Variants in GAK observed in about 807,000 individuals in gnomAD.
GAK encodes cyclin G associated kinase, also known as cyclin-G-associated kinase.
Under a neutral mutation model 143.9 loss-of-function variants are expected in GAK, and 79 were observed. That is an observed-to-expected ratio of 0.55 (90% CI 0.46 to 0.66). GAK has a LOEUF of 0.66. GAK is among the 30% of genes least tolerant of loss of function. The probability of loss-of-function intolerance (pLI) is 0.00; values close to 1 mark genes in which losing one functional copy is unlikely to be tolerated. For synonymous variants in GAK, 881 were observed against 765.5 expected (o/e 1.15, Z -2.49); for missense variants, 1,693 against 1,779.7 (o/e 0.95, Z 0.88).
At chr4:910,638 A>G (rs1721881847) in intron 4 of GAK, among the ~76,000 whole-genome samples, 1 of 151,882 alleles carries the variant, frequency 6.6e-6, no homozygotes, top group South Asian at 2.1e-4. Context: ...TGGCTTGTGG[A>G]CGACAGATCT....
intron 19 of GAK, chr4:869,361 C>T (rs541165854): frequency 1.4e-5 from 2 of 143,136 alleles, no homozygotes; most frequent in East Asian, 4.3e-4. Context: ...AGCACATACA[C>T]ACATGCAGGG....
intron 11 of GAK, chr4:886,600 G>A (rs959306459): frequency 2.0e-5 from 3 of 152,232 alleles, no homozygotes; most frequent in African/African-American, 7.2e-5. Context: ...TTCACTTATG[G>A]CTTTGCTGCC....
intron 15 of GAK, 122 bp downstream of exon 15, chr4:881,785 C>T: frequency 8.0e-7 from 1 of 1,252,302 alleles, no homozygotes; most frequent in East Asian, 2.6e-5. Context: ...GAGGCCGGGC[C>T]TGCCTTTCCC....
rs1227834262 is a variant in GAK at position 896,490 on chromosome 4, G to A, written c.711C>T (p.Asn237=). The stretch of plus-strand genomic sequence containing the variant: ...TATCCTGCTTCTCGCCGATCGGGAA[G>A]TTGGAATACAAGTCTATGATTTCTG... The part of the protein sequence containing the change: ...RTPEIIDLYS[N]FPIGEKQDIW... Residue 237 remains asparagine (N), a synonymous_variant, in exon 7 of 28, where the codon AAC becomes AAT. Coordinates refer to ENST00000314167, the MANE Select transcript of GAK (RefSeq NM_005255.4). 1.9e-6 allele frequency: 3 copies of A among 1,614,082 alleles called. No individual in the cohort carries two copies. The South Asian group carries it at 3.3e-5, about 18-fold the overall frequency.
At chr4:917,772 T>C (rs1473133157) in intron 1 of GAK, among the ~76,000 whole-genome samples, 2 of 152,260 alleles carry the variant, frequency 1.3e-5, no homozygotes, top group Non-Finnish European at 2.9e-5. Flanking sequence ...ATTTAAAACA[T>C]GCAGCCTGTA....
At chr4:883,573 G>T in intron 12 of GAK, 110 bp from the exon 13 acceptor site, 1 of 1,247,920 alleles carries the variant, frequency 8.0e-7, no homozygotes, top group African/African-American at 1.5e-5. Context: ...GCCTCCGGCA[G>T]CTCCACCAGC....
chr4:894,818 T>G (rs1443564915), intron 7 of GAK: 1 of 152,054 alleles, frequency 6.6e-6, no homozygotes, highest in Non-Finnish European at 1.5e-5. Flanking sequence ...CCGTCTCTAC[T>G]AAAAATACAA....
chr4:907,067 C>T (rs999366061), intron 4 of GAK, among the ~76,000 whole-genome samples: 2 of 152,218 alleles, frequency 1.3e-5, no homozygotes, highest in African/African-American at 4.8e-5. Flanking sequence ...TCACTGAGCC[C>T]CCGATGCCTG....
chr4:865,018 C>G, intron 23 of GAK, 104 bp downstream of exon 23: 2 of 1,447,680 alleles, frequency 1.4e-6, no homozygotes, highest in Admixed American at 2.2e-5. Context: ...CCCTTCCTTC[C>G]TTCTCTGCGC....
chr4:893,983 C>G lies in GAK; in HGVS notation c.768G>C (p.Leu256=). The change falls in exon 8 of 28, where the codon CTG becomes CTC. Residue 256 remains leucine (L), a synonymous_variant. Transcript: ENST00000314167. The part of the protein sequence containing the change: ...IWALGCILYL[L]CFRQHPFEDG... ...CCTCAAAAGGGTGCTGCCGGAAGCA[C>G]AGCAGGTACAAGATGCAGCCCAGGG... The G allele has an allele frequency of 6.2e-7, 1 of 1,611,102 alleles. No homozygotes were observed. Among genetic ancestry groups the G allele is most frequent in the Non-Finnish European group, 8.5e-7 (1 of 1,178,952 alleles).
intron 9 of GAK, among the ~76,000 whole-genome samples, 162 bp downstream of exon 9, chr4:893,215 C>A (rs1718018902): frequency 6.6e-6 from 1 of 152,132 alleles, no homozygotes; most frequent in Non-Finnish European, 1.5e-5. Flanking sequence ...GTGCCTCCCT[C>A]CCCTCTGTGA....
At chr4:861,603 C>T (rs369419703) in intron 23 of GAK, among the ~76,000 whole-genome samples, 20 of 152,268 alleles carry the variant, frequency 1.3e-4, no homozygotes, top group African/African-American at 3.1e-4. Context: ...AAAAAGAAAG[C>T]TGAGATAAGC....
chr4:850,417 A>AG, intron 26 of GAK: 1 of 241,650 alleles, frequency 4.1e-6, no homozygotes, highest in Non-Finnish European at 8.0e-6. Context: ...TGCCTGTGAA[A>AG]GGACCCCAAG....
At chr4:912,361 G>A (rs376988146) in intron 3 of GAK, 28 of 366,454 alleles carry the variant, frequency 7.6e-5, no homozygotes, top group South Asian at 4.9e-4. Context: ...AAGCCACATC[G>A]GGGCCTGTGG....
intron 18 of GAK, 32 bp from the exon 19 acceptor site, chr4:870,936 G>T (rs371478080): frequency 2.6e-6 from 4 of 1,568,416 alleles, no homozygotes; most frequent in Non-Finnish European, 3.5e-6. Context: ...ACTTAGGAAG[G>T]CCACCCAAGT....
chr4:896,222 G>A (rs1718741826), intron 7 of GAK, among the ~76,000 whole-genome samples: 1 of 152,146 alleles, frequency 6.6e-6, no homozygotes, highest in African/African-American at 2.4e-5. Flanking sequence ...CTGAGCCGAG[G>A]TCACACCACT....
At chr4:866,896 G>T in intron 21 of GAK, 60 bp downstream of exon 21, 1 of 1,253,590 alleles carries the variant, frequency 8.0e-7, no homozygotes, top group Non-Finnish European at 1.1e-6. Flanking sequence ...CAGTGAGAAT[G>T]ACTCAGCCTC....
intron 1 of GAK, among the ~76,000 whole-genome samples, chr4:919,556 C>G (rs1053079722): frequency 2.0e-5 from 3 of 152,234 alleles, no homozygotes; most frequent in African/African-American, 7.2e-5. Flanking sequence ...CAGGGCCTTC[C>G]CACACACCAC....
chr4:917,332 CAA>C (rs999765122), intron 1 of GAK, among the ~76,000 whole-genome samples: 1 of 150,426 alleles, frequency 6.6e-6, no homozygotes, highest in African/African-American at 2.5e-5. Context: ...AATGCCAGGC[CAA>C]AAAAAGAGAG....
Sources: gnomAD v4.1 joint callset for allele counts (sites outside exome capture counted in the v4.1 genomes callset) on GRCh38, gnomAD v4.1.1 for gene constraint, MANE v1.5 for transcripts, NCBI Gene and HGNC (gene_info 2026-07-23, HGNC 2026-07-21) for gene names.